Variants in MGMT observed in about 807,000 individuals in gnomAD.
MGMT encodes methylated-DNA--protein-cysteine methyltransferase.
In MGMT, 14 loss-of-function variants were observed where a neutral mutation model predicts 15.9. The observed-to-expected ratio is 0.88, with a 90% CI of 0.58 to 1.37. The LOEUF is 1.37. MGMT is among the 40% of genes most tolerant of loss of function. MGMT has a pLI of 0.00. For synonymous variants in MGMT, 130 were observed against 118.2 expected (o/e 1.10, Z -0.65); for missense variants, 282 against 268.1 (o/e 1.05, Z -0.36).
At chr10:129,529,838 A>G (rs953588644) in intron 1 of MGMT, among the ~76,000 whole-genome samples, 12 of 151,994 alleles carry the variant, frequency 7.9e-5, no homozygotes, top group African/African-American at 2.9e-4. Context: ...ATATTTACCC[A>G]TGTATTCATA....
chr10:129,603,791 TTTA>T (rs1846853123), intron 2 of MGMT, among the ~76,000 whole-genome samples: 1 of 152,238 alleles, frequency 6.6e-6, no homozygotes, highest in African/African-American at 2.4e-5. Flanking sequence ...AAAACTTTCT[TTTA>T]TTTAAGGGCT....
chr10:129,738,848 CA>C (rs1564780346), intron 3 of MGMT, among the ~76,000 whole-genome samples: 1 of 151,948 alleles, frequency 6.6e-6, no homozygotes. Context: ...AGAGACACAA[CA>C]AAAAAAGAGA....
intron 2 of MGMT, among the ~76,000 whole-genome samples, chr10:129,705,627 C>T (rs1233173493): frequency 1.3e-5 from 2 of 152,208 alleles, no homozygotes; most frequent in East Asian, 3.9e-4. Flanking sequence ...ACTAATCGCT[C>T]CAGAGATCAT....
Position 129,770,370 on chromosome 10 carries a change from T to C in MGMT, c.*3373T>C, listed in dbSNP as rs74160288. 0.12 allele frequency among the ~76,000 whole-genome samples: 18,804 copies of C among 152,112 alleles called. 2,521 individuals carry two copies. Among genetic ancestry groups the C allele is most frequent in the African/African-American group, 0.33 (13,686 of 41,432 alleles). On this transcript the variant is annotated 3_prime_UTR_variant, in exon 5 of 5. Coordinates refer to ENST00000651593, the MANE Select transcript of MGMT (RefSeq NM_002412.5). ...TCTGGGGAGTAGCTGGTCAGTGAGA[T>C]TCTCGCAGCAATGTGAGGCATCCTC...
intron 2 of MGMT, among the ~76,000 whole-genome samples, chr10:129,675,873 C>A (rs576401781): frequency 6.6e-6 from 1 of 152,266 alleles, no homozygotes; most frequent in East Asian, 1.9e-4. Flanking sequence ...GCCACCACCC[C>A]CTCCTCACAA....
intron 2 of MGMT, among the ~76,000 whole-genome samples, chr10:129,605,399 C>T (rs1285593268): frequency 3.3e-5 from 5 of 152,146 alleles, no homozygotes. Flanking sequence ...AATTTCTATT[C>T]TGTTTTCATG....
At chr10:129,669,327 A>G (rs1847695813) in intron 2 of MGMT, among the ~76,000 whole-genome samples, 2 of 151,894 alleles carry the variant, frequency 1.3e-5, no homozygotes, top group South Asian at 4.2e-4. Flanking sequence ...CACTGTGCCC[A>G]CCTCTAATTT....
chr10:129,738,719 A>G (rs1848595294), intron 3 of MGMT, among the ~76,000 whole-genome samples: 1 of 152,240 alleles, frequency 6.6e-6, no homozygotes, highest in Admixed American at 6.5e-5. Context: ...GAATTCTACC[A>G]GAGGTACAAA....
At chr10:129,708,792 T>C (rs1848197841) in intron 3 of MGMT, among the ~76,000 whole-genome samples, 3 of 152,234 alleles carry the variant, frequency 2.0e-5, no homozygotes, top group South Asian at 2.1e-4. Context: ...TGTACACTTA[T>C]ATATCCTTAA....
rs191627622 is a variant in MGMT at position 129,656,766 on chromosome 10, A to T, written c.126-51129A>T. On this transcript the variant is annotated intron_variant, in intron 2 of 4. Transcript: ENST00000651593. ...AAGCCTCTCCAAAGGAGGCAATCAGAGATGTCTTTCTCTCTGTGAGCAGAG... is the reference window on the plus strand; with the variant it reads ...AAGCCTCTCCAAAGGAGGCAATCAGTGATGTCTTTCTCTCTGTGAGCAGAG... Among the ~76,000 whole-genome samples the T allele has an allele frequency of 3.6e-3, 554 of 152,208 alleles. 3 individuals are homozygous for T. The highest frequency in any genetic ancestry group is 0.013 in the African/African-American group (522 of 41,540).
chr10:129,646,750 A>ATTTTTTTTTTT (rs1335109530), intron 2 of MGMT, among the ~76,000 whole-genome samples: 3 of 75,894 alleles, frequency 4.0e-5, no homozygotes, highest in Admixed American at 1.3e-4. Context: ...ATATATATAT[A>ATTTTTTTTTTT]TATATTTTCA....
intron 2 of MGMT, among the ~76,000 whole-genome samples, chr10:129,679,956 G>T (rs1164303859): frequency 6.6e-6 from 1 of 152,110 alleles, no homozygotes; most frequent in African/African-American, 2.4e-5. Context: ...ATCATTCCAC[G>T]CTCCGTTATA....
chr10:129,553,695 G>C (rs1394353579), intron 2 of MGMT, among the ~76,000 whole-genome samples: 1 of 152,170 alleles, frequency 6.6e-6, no homozygotes, highest in African/African-American at 2.4e-5. Context: ...CAGTCCTGGA[G>C]GCACAAGGAG....
chr10:129,540,094 C>T (rs1409842566), intron 2 of MGMT, among the ~76,000 whole-genome samples: 4 of 152,178 alleles, frequency 2.6e-5, no homozygotes, highest in Non-Finnish European at 5.9e-5. Context: ...AGTGGTTTTT[C>T]AGCCTGGAGG....
At chr10:129,736,834 G>C (rs1168033590) in intron 3 of MGMT, among the ~76,000 whole-genome samples, 2 of 152,208 alleles carry the variant, frequency 1.3e-5, no homozygotes, top group East Asian at 1.9e-4. Context: ...AGTTTGGCTG[G>C]ATATGAAATT....
intron 1 of MGMT, among the ~76,000 whole-genome samples, chr10:129,475,021 C>G (rs1392023558): frequency 6.6e-6 from 1 of 151,878 alleles, no homozygotes; most frequent in Non-Finnish European, 1.5e-5. Flanking sequence ...TGTTGGGGAG[C>G]TTGGTAAGTG....
chr10:129,758,383 GT>G (rs1205804227), intron 3 of MGMT, among the ~76,000 whole-genome samples: 1 of 152,096 alleles, frequency 6.6e-6, no homozygotes, highest in Non-Finnish European at 1.5e-5. Context: ...TCTGTCTCCA[GT>G]GCTCCTGAGC....
chr10:129,530,765 T>C (rs1845922138), intron 1 of MGMT, among the ~76,000 whole-genome samples: 1 of 152,240 alleles, frequency 6.6e-6, no homozygotes, highest in African/African-American at 2.4e-5. Context: ...AGGGTGGCTG[T>C]GTCCCCCACG....
intron 2 of MGMT, among the ~76,000 whole-genome samples, chr10:129,670,012 A>T (rs903478573): frequency 3.3e-5 from 5 of 152,222 alleles, no homozygotes; most frequent in Admixed American, 1.3e-4. Context: ...GTAAAACGTT[A>T]CTACCTCTGC....
Sources: gnomAD v4.1 joint callset for allele counts (sites outside exome capture counted in the v4.1 genomes callset) on GRCh38, gnomAD v4.1.1 for gene constraint, MANE v1.5 for transcripts, NCBI Gene and HGNC (gene_info 2026-07-23, HGNC 2026-07-21) for gene names.